Variants in CPE observed in about 807,000 individuals in gnomAD.
CPE encodes carbocypeptidase E.
Under a neutral mutation model 53.5 loss-of-function variants are expected in CPE, and 17 were observed. That is an observed-to-expected ratio of 0.32 (90% CI 0.22 to 0.48). The LOEUF is 0.48. Among genes scored for constraint, CPE ranks in the 20% least tolerant of loss-of-function variants. The pLI is 0.99. For missense variants in CPE, 524 were observed against 614.7 expected (o/e 0.85, Z 1.56); for synonymous variants, 226 against 228.8 (o/e 0.99, Z 0.11).
intron 5 of CPE, among the ~76,000 whole-genome samples, chr4:165,486,646 G>T (rs1228042766): frequency 6.6e-6 from 1 of 152,148 alleles, no homozygotes; most frequent in African/African-American, 2.4e-5. Flanking sequence ...CATGTAAATT[G>T]ATAGCTTATC....
intron 1 of CPE, among the ~76,000 whole-genome samples, chr4:165,453,212 C>T (rs1731843146): frequency 6.6e-6 from 1 of 152,074 alleles, no homozygotes; most frequent in Admixed American, 6.5e-5. Flanking sequence ...CCCACCTCGG[C>T]CTCCCAAAGT....
At chr4:165,425,350 T>C (rs59611751) in intron 1 of CPE, among the ~76,000 whole-genome samples, 44,837 of 151,942 alleles carry the variant, frequency 0.3, 6,679 homozygotes, top group Middle Eastern at 0.39. Context: ...AAAAAATTAC[T>C]ATTTCTTCTT....
At chr4:165,405,729 C>G in intron 1 of CPE, 1 of 884,630 alleles carries the variant, frequency 1.1e-6, no homozygotes, top group Non-Finnish European at 1.9e-6. Context: ...GTCCCATTTT[C>G]TTTGCCCTGT....
At chr4:165,388,558 G>C (rs1381190847) in intron 1 of CPE, among the ~76,000 whole-genome samples, 1 of 151,850 alleles carries the variant, frequency 6.6e-6, no homozygotes, top group Non-Finnish European at 1.5e-5. Context: ...TTTTTGCTTT[G>C]GATTCACTCT....
At position 165,379,696 on chromosome 4, in the gene CPE, A is replaced by G. The variant is rs937236379; in HGVS notation, c.307+168A>G. On this transcript the variant is annotated intron_variant, in intron 1 of 8. Coordinates refer to ENST00000402744, the MANE Select transcript of CPE (RefSeq NM_001873.4). This position sits in a 1 kb window ranked among gnomAD's most constrained non-coding sequence, Gnocchi z 6.0. ...GTGGAGGGAGGGATGGAAATGGGGAAGAACCCGACTTAGAGCGCCAGTGGC... is the reference window on the plus strand; with the variant it reads ...GTGGAGGGAGGGATGGAAATGGGGAGGAACCCGACTTAGAGCGCCAGTGGC... 3.9e-5 allele frequency among the ~76,000 whole-genome samples: 6 copies of G among 152,100 alleles called. No homozygotes were observed. The highest frequency in any genetic ancestry group is 1.4e-4 in the African/African-American group (6 of 41,430).
In CPE at chr4:165,379,564, C is replaced by A. The variant is rs754751962; in HGVS notation, c.307+36C>A. The A allele has an allele frequency of 1.4e-6, 2 of 1,468,728 alleles. No individual in the cohort carries two copies. The highest frequency in any genetic ancestry group is 5.1e-5 in the East Asian group (2 of 39,278). The allele number at this position is 1,468,728 out of a possible 1,614,324, so 91.0% of individuals were successfully genotyped here. ...TGCCCCCTGACAGCCCTGGGGGCAT[C>A]CCGGAGGGGGGCGGCAGAGGGTGGG... On this transcript the variant is annotated intron_variant, in intron 1 of 8. Coordinates refer to ENST00000402744, the MANE Select transcript of CPE (RefSeq NM_001873.4). This position sits in a 1 kb window ranked among gnomAD's most constrained non-coding sequence, Gnocchi z 6.0.
At chr4:165,458,928 A>G (rs1407330986) in intron 1 of CPE, among the ~76,000 whole-genome samples, 1 of 152,138 alleles carries the variant, frequency 6.6e-6, no homozygotes, top group African/African-American at 2.4e-5. Flanking sequence ...TTGTCTTTTT[A>G]TTTGATCATT....
intron 1 of CPE, among the ~76,000 whole-genome samples, chr4:165,426,910 C>T (rs35593296): frequency 0.3 from 44,962 of 152,010 alleles, 6,741 homozygotes; most frequent in Middle Eastern, 0.39. Context: ...AGGCAGAGAG[C>T]GGGCCTGAAA....
At chr4:165,388,070 A>G (rs1730625050) in intron 1 of CPE, among the ~76,000 whole-genome samples, 1 of 152,212 alleles carries the variant, frequency 6.6e-6, no homozygotes, top group African/African-American at 2.4e-5. Flanking sequence ...TTCTCTTCCT[A>G]TACAGGCGAA....
chr4:165,436,732 G>A (rs535237703), intron 1 of CPE, among the ~76,000 whole-genome samples: 1 of 152,262 alleles, frequency 6.6e-6, no homozygotes, highest in South Asian at 2.1e-4. Context: ...TTAAACTCCT[G>A]GGCTCAAGTG....
At chr4:165,489,914 A>G (rs1441504356) in intron 6 of CPE, among the ~76,000 whole-genome samples, 1 of 152,238 alleles carries the variant, frequency 6.6e-6, no homozygotes, top group East Asian at 1.9e-4. Flanking sequence ...ATCTACCTTG[A>G]TATGGCATTG....
chr4:165,458,099 GT>G (rs1423961248), intron 1 of CPE, among the ~76,000 whole-genome samples: 1 of 152,202 alleles, frequency 6.6e-6, no homozygotes, highest in Non-Finnish European at 1.5e-5. Context: ...TAGCACTAAT[GT>G]TTTAACCCCA....
chr4:165,418,686 T>C (rs539752640), intron 1 of CPE, among the ~76,000 whole-genome samples: 12 of 152,328 alleles, frequency 7.9e-5, no homozygotes, highest in African/African-American at 2.6e-4. Context: ...ACATTTTTGA[T>C]GTAAGTAAGA....
In CPE at chr4:165,442,048, T is replaced by G. The variant is rs1408784686; in HGVS notation, c.308-22342T>G. 9.1e-5 allele frequency among the ~76,000 whole-genome samples: 12 copies of G among 132,466 alleles called. No individual in the cohort carries two copies. In the East Asian group the frequency reaches 1.5e-3, roughly 17 times the overall value. The allele number at this position is 132,466 out of a possible 152,430, so 86.9% of individuals were successfully genotyped here. On this transcript the variant is annotated intron_variant, in intron 1 of 8. Coordinates refer to ENST00000402744, the MANE Select transcript of CPE (RefSeq NM_001873.4). ...GTTTTTTTTTTTTGTTTTTTTTTTG[T>G]TTTTTTTTTTTTGAGACAGGGTCTA... is the stretch of plus-strand genomic sequence containing the variant.
chr4:165,409,291 C>A (rs185953794), intron 1 of CPE, among the ~76,000 whole-genome samples: 7 of 151,826 alleles, frequency 4.6e-5, no homozygotes, highest in Admixed American at 4.6e-4. Flanking sequence ...GCAACCTCTG[C>A]CTCCAGGGTT....
At chr4:165,471,560 C>G (rs569822263) in intron 3 of CPE, among the ~76,000 whole-genome samples, 17 of 152,132 alleles carry the variant, frequency 1.1e-4, no homozygotes, top group African/African-American at 3.9e-4. Flanking sequence ...CATATAGGCT[C>G]CTTTTTAAAT....
chr4:165,417,533 A>G lies in CPE; in HGVS notation c.307+38005A>G, dbSNP rs542134532. On this transcript the variant is annotated intron_variant, in intron 1 of 8. Transcript: ENST00000402744. ...CAGTAGAACTGGCAGCCATTCATTC[A>G]TTCCACAAATATTTATTGGCAGTAT... is the stretch of plus-strand genomic sequence containing the variant. Among the ~76,000 whole-genome samples, 4 of 149,334 alleles carry G rather than the reference A, an allele frequency of 2.7e-5. No homozygotes were observed. The South Asian group carries it at 8.5e-4, about 32-fold the overall frequency.
chr4:165,422,869 C>T (rs1422042212), intron 1 of CPE, among the ~76,000 whole-genome samples: 2 of 150,768 alleles, frequency 1.3e-5, no homozygotes, highest in East Asian at 2.0e-4. Flanking sequence ...CCCAGCTACT[C>T]GGGAGGCTGA....
intron 1 of CPE, among the ~76,000 whole-genome samples, chr4:165,424,035 G>A (rs1381734537): frequency 6.7e-6 from 1 of 150,010 alleles, no homozygotes. Context: ...TTGTAAGCAG[G>A]TGGAGGTGGG....
Sources: allele counts gnomAD v4.1 joint callset (sites outside exome capture counted in the v4.1 genomes callset), GRCh38; gene constraint gnomAD v4.1.1; non-coding constraint Gnocchi (gnomAD v3.1); transcripts MANE v1.5; gene names NCBI Gene and HGNC (gene_info 2026-07-23, HGNC 2026-07-21).